The following CFAP44 variants were observed in gnomAD, a reference collection of about 807,000 sequenced individuals.
The protein encoded by CFAP44 is cilia- and flagella-associated protein 44.
A neutral mutation model predicts 216.2 loss-of-function variants in CFAP44; 134 were observed. The observed-to-expected ratio is 0.62, with a 90% CI of 0.54 to 0.72. The LOEUF is 0.72. Among genes scored for constraint, CFAP44 ranks in the 30% least tolerant of loss-of-function variants. CFAP44 has a pLI of 0.00. For missense variants in CFAP44, 2,035 were observed against 2,182.1 expected, an observed-to-expected ratio of 0.93 and a Z score of 1.34; for synonymous variants, 700 against 727.6, an observed-to-expected ratio of 0.96 and a Z score of 0.61.
At chr3:113,406,887 A>C in intron 8 of CFAP44, 40 bp downstream of exon 8, 1 of 1,485,254 alleles carries the variant, frequency 6.7e-7, no homozygotes, top group Non-Finnish European at 9.3e-7. Context: ...ATGTACTTGA[A>C]AACACAATTT....
Position 113,381,080 on chromosome 3 carries a change from C to G in CFAP44, c.1891-20G>C. ...TTCAGGCTAAAAAAGAAAAATTGAA[C>G]ATATTTACATTTAGGCAAATTTTTA... On this transcript the variant is annotated intron_variant, in intron 15 of 34. Transcript: ENST00000393845. 2 of 1,524,368 alleles carry G rather than the reference C, an allele frequency of 1.3e-6. No individual in the cohort carries two copies. Among genetic ancestry groups the G allele is most frequent in the South Asian group, 2.7e-5 (2 of 73,818 alleles). The allele number at this position is 1,524,368 out of a possible 1,614,324, so 94.4% of individuals were successfully genotyped here.
chr3:113,329,421 G>T (rs910140702), intron 26 of CFAP44, among the ~76,000 whole-genome samples: 2 of 152,152 alleles, frequency 1.3e-5, no homozygotes, highest in African/African-American at 4.8e-5. Flanking sequence ...GGAGGAAAAG[G>T]TGGAGTGGAG....
At chr3:113,403,242 C>T (rs1934189319) in intron 9 of CFAP44, among the ~76,000 whole-genome samples, 1 of 152,160 alleles carries the variant, frequency 6.6e-6, no homozygotes, top group African/African-American at 2.4e-5. Context: ...AGCCACAGCA[C>T]AATACTCATT....
chr3:113,312,065 G>GTA (rs1315476837), intron 28 of CFAP44, among the ~76,000 whole-genome samples: 3 of 142,814 alleles, frequency 2.1e-5, no homozygotes, highest in African/African-American at 8.3e-5. Context: ...GTGTCTGTGT[G>GTA]TGTGTGTGTT....
intron 8 of CFAP44, among the ~76,000 whole-genome samples, chr3:113,404,299 T>C (rs1315253682): frequency 6.6e-6 from 1 of 152,200 alleles, no homozygotes; most frequent in Admixed American, 6.5e-5. Flanking sequence ...ATAGACTTCT[T>C]GGTACATCTC....
chr3:113,427,187 C>G lies in CFAP44; in HGVS notation c.253G>C (p.Val85Leu), dbSNP rs780086350. 7 of 1,611,914 alleles carry G rather than the reference C, an allele frequency of 4.3e-6. No individual in the cohort carries two copies. The highest frequency in any genetic ancestry group is 5.9e-6 in the Non-Finnish European group (7 of 1,179,470). ...FQYGDLQSTT[V>L]PQQTPAPAVE... is the part of the protein sequence containing the mutation. ...CTGACAGAAAACTAATAATACCTACCTGTAGTGCTTTGCAAATCACCATAC... is the reference window on the plus strand; with the variant it reads ...CTGACAGAAAACTAATAATACCTACGTGTAGTGCTTTGCAAATCACCATAC... The change falls in exon 3 of 35, where the codon GTA (valine) becomes CTA (leucine). Residue 85 changes from valine to leucine, a missense_variant and splice_region_variant. Physicochemically the swap from Val to Leu is conservative, Grantham distance 32. Transcript: ENST00000393845.
At chr3:113,410,982 T>C (rs996296293) in intron 6 of CFAP44, among the ~76,000 whole-genome samples, 2 of 152,220 alleles carry the variant, frequency 1.3e-5, no homozygotes, top group African/African-American at 4.8e-5. Flanking sequence ...CTTCACCCAC[T>C]TTTTGATGGG....
intron 5 of CFAP44, chr3:113,417,321 G>T (rs1359932244): frequency 6.6e-6 from 1 of 152,102 alleles, no homozygotes; most frequent in Non-Finnish European, 1.5e-5. Context: ...CAGACACAGA[G>T]GAAAATACAG....
At chr3:113,296,234 T>C (rs985235508) in intron 33 of CFAP44, among the ~76,000 whole-genome samples, 2 of 152,212 alleles carry the variant, frequency 1.3e-5, no homozygotes, top group Non-Finnish European at 2.9e-5. Flanking sequence ...ATATCATTTT[T>C]TATGGCTGCG....
Position 113,333,451 on chromosome 3 carries a change from T to G in CFAP44, c.3570A>C (p.Ile1190=), listed in dbSNP as rs1950256882. Residue 1190 remains isoleucine (I), a synonymous_variant, in exon 25 of 35, where the codon ATA becomes ATC. Coordinates refer to ENST00000393845, the MANE Select transcript of CFAP44 (RefSeq NM_001164496.2). The part of the protein sequence containing the change: ...PDYKIPEHMR[I]NAAKKEEELG... ...GTTCCTCTTCCTTCTTGGCAGCATTTATTCTCATGTGCTCAGGTATCTTGT... is the reference window on the plus strand; with the variant it reads ...GTTCCTCTTCCTTCTTGGCAGCATTGATTCTCATGTGCTCAGGTATCTTGT... 4 of 1,536,998 alleles carry G rather than the reference T, an allele frequency of 2.6e-6. No homozygotes were observed. The South Asian group carries it at 4.8e-5, about 18-fold the overall frequency.
chr3:113,338,145 T>C (rs555387897), intron 24 of CFAP44, among the ~76,000 whole-genome samples: 2 of 148,950 alleles, frequency 1.3e-5, no homozygotes, highest in East Asian at 2.0e-4. Flanking sequence ...TAATCCCAGC[T>C]ACTTGGGAGG....
At chr3:113,386,024 ACTGT>A (rs1323962944) in intron 15 of CFAP44, among the ~76,000 whole-genome samples, 2 of 152,032 alleles carry the variant, frequency 1.3e-5, no homozygotes, top group Middle Eastern at 3.2e-3. Flanking sequence ...TCATTGTATT[ACTGT>A]CTATTTCTCC....
Position 113,341,895 on chromosome 3 carries a change from C to A in CFAP44, c.3286G>T (p.Glu1096Ter), listed in dbSNP as rs1228855117. The change falls in exon 24 of 35, where the codon GAA (glutamate) becomes TAA (stop). Residue 1096 changes from glutamate to a stop codon, truncating the protein, a stop_gained. Transcript: ENST00000393845. LOFTEE classifies it high-confidence loss of function. ...TTCTTCCCTTTTTCTATTATTGATTCTTCTTGTATGGTAACACTCCCACCT... is the reference window on the plus strand; with the variant it reads ...TTCTTCCCTTTTTCTATTATTGATTATTCTTGTATGGTAACACTCCCACCT... ...DAGGSVTIQE[E>*]SIIEKGKKFR... is the part of the protein sequence containing the mutation. 1 of 1,528,036 alleles carries A rather than the reference C, an allele frequency of 6.5e-7. No individual in the cohort carries two copies. Among genetic ancestry groups the A allele is most frequent in the South Asian group, 1.2e-5 (1 of 80,832 alleles). 94.7% of individuals were successfully genotyped at this position (1,528,036 alleles called of 1,614,324 possible). A position where few individuals can be genotyped will look rare whatever the true frequency, so the allele number is the denominator to read the frequency against.
At position 113,287,510 on chromosome 3, in the gene CFAP44, T is replaced by G. The variant is rs940869059; in HGVS notation, c.*4047A>C. ...TCTTTACATGTTAGAATTCAGTCTC[T>G]GAGTATTTGAAGAAAATACCCACTT... On this transcript the variant is annotated 3_prime_UTR_variant, in exon 35 of 35. Coordinates refer to ENST00000393845, the MANE Select transcript of CFAP44 (RefSeq NM_001164496.2). 4 of 152,972 alleles carry G rather than the reference T, an allele frequency of 2.6e-5. No individual in the cohort carries two copies. The highest frequency in any genetic ancestry group is 5.9e-5 in the Non-Finnish European group (4 of 68,276). 9.5% of individuals were successfully genotyped at this position (152,972 alleles called of 1,614,324 possible). A position where few individuals can be genotyped will look rare whatever the true frequency, so the allele number is the denominator to read the frequency against.
At chr3:113,402,820 G>A (rs1336990655) in intron 9 of CFAP44, among the ~76,000 whole-genome samples, 1 of 152,160 alleles carries the variant, frequency 6.6e-6, no homozygotes, top group Non-Finnish European at 1.5e-5. Context: ...CTTTTCTCCT[G>A]AGGTTTTCTC....
chr3:113,367,362 G>A (rs1238630804), intron 18 of CFAP44, among the ~76,000 whole-genome samples: 1 of 152,180 alleles, frequency 6.6e-6, no homozygotes, highest in Non-Finnish European at 1.5e-5. Context: ...GCTTCTAGAG[G>A]AAGGATCAGG....
chr3:113,339,508 C>A (rs1318651333), intron 24 of CFAP44, among the ~76,000 whole-genome samples: 1 of 152,182 alleles, frequency 6.6e-6, no homozygotes, highest in African/African-American at 2.4e-5. Flanking sequence ...ACCTATGCCT[C>A]CATTTCTCCC....
At chr3:113,293,473 T>A (rs985230164) in intron 34 of CFAP44, among the ~76,000 whole-genome samples, 2 of 149,218 alleles carry the variant, frequency 1.3e-5, no homozygotes, top group African/African-American at 2.6e-5. Flanking sequence ...GAAGAGGCCA[T>A]ACATGTAAAC....
intron 22 of CFAP44, among the ~76,000 whole-genome samples, chr3:113,354,994 C>T (rs1023143868): frequency 1.3e-5 from 2 of 152,150 alleles, no homozygotes; most frequent in Non-Finnish European, 2.9e-5. Context: ...GACCTGAAGA[C>T]GGATCACATC....
Sources: gnomAD v4.1 joint callset for allele counts (sites outside exome capture counted in the v4.1 genomes callset) on GRCh38, gnomAD v4.1.1 for gene constraint, MANE v1.5 for transcripts, NCBI Gene and HGNC (gene_info 2026-07-23, HGNC 2026-07-21) for gene names.